The following ANKS1B variants were observed in gnomAD, a reference collection of about 807,000 sequenced individuals.
The protein encoded by ANKS1B is ankyrin repeat and sterile alpha motif domain containing 1B, also known as ankyrin repeat and sterile alpha motif domain-containing protein 1B.
A neutral mutation model predicts 148.3 loss-of-function variants in ANKS1B; 36 were observed. That is an observed-to-expected ratio of 0.24 (90% CI 0.19 to 0.32). ANKS1B has a LOEUF of 0.32. ANKS1B is among the 10% of genes least tolerant of loss of function. The pLI is 1.00. For synonymous variants in ANKS1B, 542 were observed against 560.8 expected, an observed-to-expected ratio of 0.97 and a Z score of 0.47; for missense variants, 1,157 against 1,542.6, an observed-to-expected ratio of 0.75 and a Z score of 4.19.
At chr12:99,091,603 A>G (rs1342966429) in intron 15 of ANKS1B, among the ~76,000 whole-genome samples, 1 of 152,148 alleles carries the variant, frequency 6.6e-6, no homozygotes, top group Admixed American at 6.6e-5. Flanking sequence ...TGTGAACAAA[A>G]CTTTTTTGTA....
chr12:98,792,230 C>T (rs1305019385), intron 22 of ANKS1B, among the ~76,000 whole-genome samples: 1 of 152,130 alleles, frequency 6.6e-6, no homozygotes, highest in Non-Finnish European at 1.5e-5. Flanking sequence ...TAAAATATTT[C>T]CTTTCTTATA....
intron 11 of ANKS1B, among the ~76,000 whole-genome samples, chr12:99,406,814 G>A (rs1474108876): frequency 1.4e-5 from 2 of 145,786 alleles, no homozygotes; most frequent in Non-Finnish European, 3.0e-5. Flanking sequence ...TAAAATGAGA[G>A]AAGAAAAAGA....
At position 99,806,505 on chromosome 12, in the gene ANKS1B, A is replaced by T; in HGVS notation, c.568T>A (p.Cys190Ser). The T allele has an allele frequency of 6.2e-7, 1 of 1,613,972 alleles. No homozygotes were observed. Among genetic ancestry groups the T allele is most frequent in the Non-Finnish European group, 8.5e-7 (1 of 1,179,876 alleles). The change falls in exon 4 of 27, where the codon TGC becomes AGC. Residue 190 changes from cysteine (C) to serine (S), a missense_variant. This residue lies in a region of ANKS1B where 164 missense variants were observed against 232.6 expected (regional missense o/e 0.71). Coordinates refer to ENST00000683438, the MANE Select transcript of ANKS1B (RefSeq NM_001352186.2). ...AGTGGCGTGTGCTTGCGAGTGTTGC[A>T]GCTCATTAAGTTAGGATGTGCACTG... is the stretch of plus-strand genomic sequence containing the variant. ...IISAHPNLMS[C>S]NTRKHTPLHL...
chr12:98,871,425 T>G (rs2099668359), intron 17 of ANKS1B, among the ~76,000 whole-genome samples: 1 of 152,174 alleles, frequency 6.6e-6, no homozygotes, highest in African/African-American at 2.4e-5. Flanking sequence ...GATATAGACA[T>G]AGTTATCTGC....
chr12:98,842,836 T>C (rs1234464749), intron 17 of ANKS1B, among the ~76,000 whole-genome samples: 3 of 152,212 alleles, frequency 2.0e-5, no homozygotes, highest in Non-Finnish European at 2.9e-5. Flanking sequence ...TATAGGCTAA[T>C]AGATCAGTAG....
At chr12:99,323,030 C>G (rs781474237) in intron 12 of ANKS1B, among the ~76,000 whole-genome samples, 5 of 152,066 alleles carry the variant, frequency 3.3e-5, no homozygotes, top group Non-Finnish European at 5.9e-5. Context: ...TATAAATTAC[C>G]CAGTCTCGGG....
intron 22 of ANKS1B, among the ~76,000 whole-genome samples, chr12:98,789,325 A>G (rs994931287): frequency 5.3e-5 from 8 of 152,206 alleles, no homozygotes; most frequent in African/African-American, 1.9e-4. Flanking sequence ...CCTGGGCGAC[A>G]GAGAGACTCA....
chr12:98,979,516 C>T (rs887424675), intron 17 of ANKS1B, among the ~76,000 whole-genome samples: 1 of 152,094 alleles, frequency 6.6e-6, no homozygotes, highest in African/African-American at 2.4e-5. Context: ...CGTGATCCAC[C>T]CGCCTCGGCC....
At chr12:99,670,859 T>C (rs1033373853) in intron 8 of ANKS1B, among the ~76,000 whole-genome samples, 1 of 152,072 alleles carries the variant, frequency 6.6e-6, no homozygotes, top group Non-Finnish European at 1.5e-5. Context: ...TTGCTGTGTC[T>C]GGCAAATGAG....
In ANKS1B at chr12:99,292,289, G is replaced by A. The variant is rs536637860; in HGVS notation, c.1757-45425C>T. On this transcript the variant is annotated intron_variant, in intron 12 of 26. Coordinates refer to ENST00000683438, the MANE Select transcript of ANKS1B (RefSeq NM_001352186.2). ...GGGCAGATCACGAGGTCAAGAGACC[G>A]AGACTATTCTGGCTAACACAGTGAA... Among the ~76,000 whole-genome samples, 338 of 151,498 alleles carry A rather than the reference G, an allele frequency of 2.2e-3. 3 individuals are homozygous for A. The highest frequency in any genetic ancestry group is 7.9e-3 in the African/African-American group (327 of 41,232).
intron 2 of ANKS1B, among the ~76,000 whole-genome samples, chr12:99,823,380 G>A (rs541749987): frequency 5.3e-5 from 8 of 152,088 alleles, no homozygotes; most frequent in Admixed American, 2.6e-4. Context: ...ATCTCTGCTC[G>A]CTGCAACCTC....
chr12:98,886,567 G>A (rs1445646548), intron 17 of ANKS1B, among the ~76,000 whole-genome samples: 1 of 152,166 alleles, frequency 6.6e-6, no homozygotes, highest in Non-Finnish European at 1.5e-5. Context: ...AATAAAAGGT[G>A]TTTTCAAAGA....
chr12:98,837,916 G>C (rs1206943183), intron 17 of ANKS1B, among the ~76,000 whole-genome samples: 4 of 151,886 alleles, frequency 2.6e-5, no homozygotes, highest in Non-Finnish European at 5.9e-5. Context: ...TCCCATTTTA[G>C]ACACTTTATA....
rs539790442 is a variant in ANKS1B, at chr12:99,041,870, G to C, written c.2778+11287C>G. On this transcript the variant is annotated intron_variant, in intron 17 of 26. Coordinates refer to ENST00000683438, the MANE Select transcript of ANKS1B (RefSeq NM_001352186.2). ...AAAAATAAATTAGTCAGGTGTGGTG[G>C]TGTGCGCCTAGTCCCAGCTACTTGG... Among the ~76,000 whole-genome samples, 90 of 152,030 alleles carry C rather than the reference G, an allele frequency of 5.9e-4. 2 individuals carry two copies. The South Asian group carries it at 0.018, about 30-fold the overall frequency.
chr12:99,108,111 A>G (rs2059602631), intron 15 of ANKS1B, among the ~76,000 whole-genome samples: 1 of 152,220 alleles, frequency 6.6e-6, no homozygotes, highest in Non-Finnish European at 1.5e-5. Flanking sequence ...CATTACTGCA[A>G]GAGCAGCATC....
chr12:98,996,686 G>A (rs1408301164), intron 17 of ANKS1B, among the ~76,000 whole-genome samples: 2 of 151,588 alleles, frequency 1.3e-5, no homozygotes, highest in Non-Finnish European at 2.9e-5. Flanking sequence ...GGTGGTGGGC[G>A]CCTGTAGTCC....
Position 99,647,044 on chromosome 12 carries a change from A to G in ANKS1B, c.1272+8023T>C, listed in dbSNP as rs139422630. Among the ~76,000 whole-genome samples, 211 of 152,270 alleles carry G rather than the reference A, an allele frequency of 1.4e-3. 1 individual carries two copies. Among genetic ancestry groups the G allele is most frequent in the African/African-American group, 4.8e-3 (201 of 41,586 alleles). Reference sequence around the variant, plus strand: ...GTTATTTCCCCTGGTAACAGAAATAAATTTCCTAATAAAAATAGAAGTTAA... The same window carrying G: ...GTTATTTCCCCTGGTAACAGAAATAGATTTCCTAATAAAAATAGAAGTTAA... On this transcript the variant is annotated intron_variant, in intron 9 of 26. Coordinates refer to ENST00000683438, the MANE Select transcript of ANKS1B (RefSeq NM_001352186.2).
At chr12:98,995,417 C>A (rs1296524954) in intron 17 of ANKS1B, among the ~76,000 whole-genome samples, 1 of 151,880 alleles carries the variant, frequency 6.6e-6, no homozygotes, top group African/African-American at 2.4e-5. Context: ...ATGGTGAAAC[C>A]CCATCTCTAC....
At chr12:98,919,425 G>T (rs1007914933) in intron 17 of ANKS1B, among the ~76,000 whole-genome samples, 1 of 152,164 alleles carries the variant, frequency 6.6e-6, no homozygotes, top group Non-Finnish European at 1.5e-5. Flanking sequence ...CAAGGGCGGA[G>T]ATGCCATCAT....
Sources: gnomAD v4.1 joint callset for allele counts (sites outside exome capture counted in the v4.1 genomes callset) on GRCh38, gnomAD v4.1.1 for gene constraint, gnomAD v4.1.1 regional missense constraint, MANE v1.5 for transcripts, NCBI Gene and HGNC (gene_info 2026-07-23, HGNC 2026-07-21) for gene names.